The following KCNMB3 variants were observed in gnomAD, a reference collection of about 807,000 sequenced individuals.
The protein encoded by KCNMB3 is calcium-activated potassium channel subunit beta-3.
A neutral mutation model predicts 11.9 loss-of-function variants in KCNMB3; 18 were observed. That is an observed-to-expected ratio of 1.51 (90% confidence interval 1.04 to 2.23). The LOEUF is 2.23. Ranked by LOEUF, KCNMB3 falls within the 30% of genes most tolerant of loss-of-function variation. The pLI, the probability that KCNMB3 is intolerant of heterozygous loss-of-function variation, is 0.00. For synonymous variants in KCNMB3, 78 were observed against 119.2 expected, an observed-to-expected ratio of 0.65 and a Z score of 2.25; for missense variants, 247 against 329.4, an observed-to-expected ratio of 0.75 and a Z score of 1.94.
intron 1 of KCNMB3, chr3:179,260,079 C>T: frequency 6.2e-7 from 1 of 1,609,126 alleles, no homozygotes; most frequent in Non-Finnish European, 8.5e-7. Context: ...TACCATACAT[C>T]TGTCATCATG....
At chr3:179,266,857 C>G in exon 1 of KCNMB3, 2 of 1,437,746 alleles carry the variant, frequency 1.4e-6, no homozygotes, top group Non-Finnish European at 1.8e-6. Flanking sequence ...AGAAGCCCCC[C>G]GCCTTCCTGG....
intron 1 of KCNMB3, chr3:179,259,092 T>A: frequency 6.2e-7 from 1 of 1,601,000 alleles, no homozygotes. Context: ...GCTTTCTGGA[T>A]TGAAGTCCCC....
intron 1 of KCNMB3, chr3:179,259,126 A>C: frequency 6.3e-7 from 1 of 1,580,674 alleles, no homozygotes; most frequent in Non-Finnish European, 8.6e-7. Flanking sequence ...GGTGCCAACA[A>C]GTCATGGTTT....
downstream of KCNMB3, chr3:179,241,029 C>G (rs1308178001): frequency 6.6e-6 from 1 of 152,084 alleles, no homozygotes; most frequent in Non-Finnish European, 1.5e-5. Flanking sequence ...TCACATTTAG[C>G]CAAGAGAACT....
Position 179,251,064 on chromosome 3 carries a change from C to T in KCNMB3, c.-74G>A. The T allele has an allele frequency of 6.2e-7, 1 of 1,614,138 alleles. No homozygotes were observed. Among genetic ancestry groups the T allele is most frequent in the South Asian group, 1.1e-5 (1 of 91,080 alleles). On this transcript the variant is annotated 5_prime_UTR_variant, in exon 1 of 3. Transcript: ENST00000392685. ...TGTCTCGTGAGCAGGATGAATGCAACAAAATGAAATCCCAGTTCAGAGCTT... is the reference window on the plus strand; with the variant it reads ...TGTCTCGTGAGCAGGATGAATGCAATAAAATGAAATCCCAGTTCAGAGCTT...
intron 1 of KCNMB3, among the ~76,000 whole-genome samples, chr3:179,263,104 G>T (rs1726272208): frequency 6.6e-6 from 1 of 152,246 alleles, no homozygotes; most frequent in Non-Finnish European, 1.5e-5. Context: ...GGAGCAGGGG[G>T]CAGCGCTCAT....
chr3:179,255,090 A>T (rs1725968074), upstream of KCNMB3, among the ~76,000 whole-genome samples: 1 of 152,080 alleles, frequency 6.6e-6, no homozygotes, highest in African/African-American at 2.4e-5. Flanking sequence ...ACTTGAACCC[A>T]GAAGGTGGAT....
downstream of KCNMB3, chr3:179,242,587 AT>A (rs1560153494): frequency 1.4e-5 from 3 of 209,656 alleles, no homozygotes; most frequent in South Asian, 3.0e-4. Context: ...CTCATTGTTT[AT>A]TTCCATATTG....
Position 179,242,815 on chromosome 3 carries a change from C to T in KCNMB3, c.*89G>A. ...ATGATACTTTAATTATTACCTTTTA[C>T]ATTATTAGTTTGCAGACAGGCATAA... On this transcript the variant is annotated 3_prime_UTR_variant, in exon 3 of 3. Transcript: ENST00000392685. 2 of 1,476,790 alleles carry T rather than the reference C, an allele frequency of 1.4e-6. No homozygotes were observed. The highest frequency in any genetic ancestry group is 9.0e-7 in the Non-Finnish European group (1 of 1,112,838). 91.5% of individuals were successfully genotyped at this position (1,476,790 alleles called of 1,614,324 possible). A position where few individuals can be genotyped will look rare whatever the true frequency, so the allele number is the denominator to read the frequency against.
chr3:179,244,805 AT>A (rs1360943667), intron 1 of KCNMB3, 112 bp from the exon 2 acceptor site: 18 of 889,238 alleles, frequency 2.0e-5, no homozygotes, highest in Non-Finnish European at 3.2e-5. Context: ...TGTACAAGGC[AT>A]TTGTGTATTT....
At chr3:179,247,390 A>T (rs538660371) in intron 1 of KCNMB3, among the ~76,000 whole-genome samples, 1 of 152,254 alleles carries the variant, frequency 6.6e-6, no homozygotes, top group South Asian at 2.1e-4. Context: ...AAAAAGAGGA[A>T]AAAAAGACAG....
At chr3:179,240,391 A>G, downstream of KCNMB3, 2 of 210,052 alleles carry the variant, frequency 9.5e-6, no homozygotes, top group Admixed American at 1.1e-4. Flanking sequence ...ATATGTATAT[A>G]CATATATGTA....
upstream of KCNMB3, chr3:179,251,403 A>G: frequency 7.0e-7 from 1 of 1,426,898 alleles, no homozygotes. Context: ...CACCTGTTGG[A>G]AAGGCAGCAT....
chr3:179,243,603 G>A (rs552180008), intron 2 of KCNMB3, among the ~76,000 whole-genome samples: 13 of 152,298 alleles, frequency 8.5e-5, no homozygotes, highest in East Asian at 5.8e-4. Flanking sequence ...GTATGAATCC[G>A]TTTGTCCATT....
chr3:179,264,626 C>T (rs1726317216), intron 1 of KCNMB3, among the ~76,000 whole-genome samples: 1 of 152,166 alleles, frequency 6.6e-6, no homozygotes. Context: ...TAGCCTGAGG[C>T]AAACTCAATT....
At chr3:179,253,740 A>C (rs965812132), upstream of KCNMB3, among the ~76,000 whole-genome samples, 1 of 152,122 alleles carries the variant, frequency 6.6e-6, no homozygotes, top group Admixed American at 6.6e-5. Context: ...CGGGTGGCAG[A>C]GGTTGCAGTG....
chr3:179,262,715 T>C (rs1401171977), intron 1 of KCNMB3, among the ~76,000 whole-genome samples: 1 of 152,174 alleles, frequency 6.6e-6, no homozygotes, highest in Non-Finnish European at 1.5e-5. Context: ...TTGGTGCGTT[T>C]ACAATCCCTG....
rs9875073 is a variant in KCNMB3, at chr3:179,248,108, T to C, written c.248+2635A>G. On this transcript the variant is annotated intron_variant, in intron 1 of 2. Coordinates refer to ENST00000392685, the MANE Select transcript of KCNMB3 (RefSeq NM_171830.2). ...AATCAGAACCCCCATTCCCCTCATT[T>C]CAGCAAACATCATTTAGGTATTAAG... 1.5e-3 allele frequency among the ~76,000 whole-genome samples: 231 copies of C among 152,266 alleles called. 1 individual carries two copies. The highest frequency in any genetic ancestry group is 5.2e-3 in the African/African-American group (218 of 41,562).
At chr3:179,260,073 A>G in intron 1 of KCNMB3, 2 of 1,609,620 alleles carry the variant, frequency 1.2e-6, no homozygotes, top group African/African-American at 2.7e-5. Context: ...GACCTCTACC[A>G]TACATCTGTC....
Sources: gnomAD v4.1 joint callset for allele counts (sites outside exome capture counted in the v4.1 genomes callset) on GRCh38, gnomAD v4.1.1 for gene constraint, MANE v1.5 for transcripts, NCBI Gene and HGNC (gene_info 2026-07-23, HGNC 2026-07-21) for gene names.